DDX24: variants seen among roughly 807,000 people sequenced by gnomAD.
DDX24 encodes ATP-dependent RNA helicase DDX24.
A neutral mutation model predicts 68.9 loss-of-function variants in DDX24; 24 were observed. The observed-to-expected ratio is 0.35, with a 90% CI of 0.25 to 0.49. The LOEUF is 0.49. Ranked by LOEUF, DDX24 falls within the 20% of genes least tolerant of loss-of-function variation. The pLI is 0.99. For missense variants in DDX24, 989 were observed against 1,039.0 expected (o/e 0.95, Z 0.66); for synonymous variants, 395 against 385.2 (o/e 1.03, Z -0.30).
At chr14:94,074,610 C>T (rs1885899066) in intron 2 of DDX24, among the ~76,000 whole-genome samples, 1 of 152,192 alleles carries the variant, frequency 6.6e-6, no homozygotes, top group African/African-American at 2.4e-5. Context: ...CAGCTAAGAT[C>T]AGACTTAATG....
chr14:94,060,252 G>C lies in DDX24; in HGVS notation c.1759C>G (p.Pro587Ala). 3 of 1,614,204 alleles carry C rather than the reference G, an allele frequency of 1.9e-6. No individual in the cohort carries two copies. The highest frequency in any genetic ancestry group is 1.7e-6 in the Non-Finnish European group (2 of 1,180,048). ...TTGGCAAACACTAAGCTGCGGCCTG[G>C]ATACTGCATCAGGAAGTAGTACAAG... The part of the protein sequence containing the change: ...FYLYYFLMQY[P>A]GRSLVFANSI... The change falls in exon 5 of 9, where the codon CCA becomes GCA. Residue 587 changes from proline to alanine, a missense_variant. Pro to Ala is a conservative substitution (Grantham distance 27). This residue lies in a region of DDX24 where 691 missense variants were observed against 760.0 expected (regional missense o/e 0.91). Transcript: ENST00000621632.
At chr14:94,056,027 A>G (rs545046004) in intron 6 of DDX24, 1 of 152,332 alleles carries the variant, frequency 6.6e-6, no homozygotes, top group East Asian at 1.9e-4. Flanking sequence ...TTCTGCCTTA[A>G]ATTATGGCTG....
In DDX24 at chr14:94,062,395, G is replaced by A. The variant is rs368907913; in HGVS notation, c.945C>T (p.Ala315=). 2.1e-5 allele frequency: 34 copies of A among 1,614,012 alleles called. No homozygotes were observed. Among genetic ancestry groups the A allele is most frequent in the Non-Finnish European group, 2.5e-5 (30 of 1,180,042 alleles). ...ESEALPSDIA[A]EARAKTGGTV... The stretch of plus-strand genomic sequence containing the variant: ...TGCCTCCAGTCTTGGCTCTGGCCTC[G>A]GCTGCAATATCACTGGGCAGTGCTT... Residue 315 remains alanine (A), a synonymous_variant, in exon 3 of 9, where the codon GCC becomes GCT. Transcript: ENST00000621632.
chr14:94,079,450 T>G lies in DDX24; in HGVS notation c.293A>C (p.Lys98Thr), dbSNP rs749273234. 1 of 1,614,050 alleles carries G rather than the reference T, an allele frequency of 6.2e-7. No homozygotes were observed. Among genetic ancestry groups the G allele is most frequent in the Non-Finnish European group, 8.5e-7 (1 of 1,180,032 alleles). ...EEGKSSSPKK[K>T]IKLKKSKNVA... ...ATTTTTACTTTTCTTCAACTTGATCTTTTTCTTTGGTGAGCTAGACTTTCC... is the reference window on the plus strand; with the variant it reads ...ATTTTTACTTTTCTTCAACTTGATCGTTTTCTTTGGTGAGCTAGACTTTCC... The change falls in exon 2 of 9, where the codon AAG (lysine) becomes ACG (threonine). Residue 98 changes from lysine (K) to threonine (T), a missense_variant. Physicochemically the swap from Lys to Thr is moderately conservative, Grantham distance 78. Transcript: ENST00000621632.
At chr14:94,076,680 C>CAAA (rs35863241) in intron 2 of DDX24, among the ~76,000 whole-genome samples, 1,263 of 100,124 alleles carry the variant, frequency 0.013, 29 homozygotes, top group African/African-American at 0.042. Context: ...GACTCCGTCT[C>CAAA]AAAAAAAAAA....
Position 94,069,965 on chromosome 14 carries a change from C to A in DDX24, c.719-7344G>T, listed in dbSNP as rs28791925. Among the ~76,000 whole-genome samples, 482 of 152,264 alleles carry A rather than the reference C, an allele frequency of 3.2e-3. 3 individuals are homozygous for A. The highest frequency in any genetic ancestry group is 0.011 in the African/African-American group (449 of 41,542). Reference sequence around the variant, plus strand: ...AACTGGAACAAGACAAGGATGCCCACCTACTCTTACCACTCCTCTTCAACA... The same window carrying A: ...AACTGGAACAAGACAAGGATGCCCAACTACTCTTACCACTCCTCTTCAACA... On this transcript the variant is annotated intron_variant, in intron 2 of 8. Transcript: ENST00000621632.
chr14:94,058,841 G>C (rs1247959819), intron 5 of DDX24, among the ~76,000 whole-genome samples: 2 of 152,188 alleles, frequency 1.3e-5, no homozygotes, highest in Non-Finnish European at 2.9e-5. Context: ...CCAGCTTTGT[G>C]AACCACACAG....
At chr14:94,054,917 C>T (rs11624586) in intron 7 of DDX24, 79 bp downstream of exon 7, 116,149 of 1,484,502 alleles carry the variant, frequency 0.078, 4,900 homozygotes, top group Middle Eastern at 0.16. Context: ...GGTTATGCTG[C>T]CAGAGTCCCA....
At chr14:94,067,866 TA>T (rs1329764159) in intron 2 of DDX24, among the ~76,000 whole-genome samples, 3 of 152,134 alleles carry the variant, frequency 2.0e-5, no homozygotes, top group African/African-American at 7.2e-5. Context: ...CCTGGAGACG[TA>T]TTAAAACAGA....
At position 94,055,046 on chromosome 14, in the gene DDX24, C is replaced by T. The variant is rs1311470963; in HGVS notation, c.2128G>A (p.Glu710Lys). 1 of 1,614,224 alleles carries T rather than the reference C, an allele frequency of 6.2e-7. No individual in the cohort carries two copies. Among genetic ancestry groups the T allele is most frequent in the Non-Finnish European group, 8.5e-7 (1 of 1,180,040 alleles). Residue 710 changes from glutamate to lysine, a missense_variant, in exon 7 of 9, where the codon GAG becomes AAG. Glu to Lys is a moderately conservative substitution (Grantham distance 56). Coordinates refer to ENST00000621632, the MANE Select transcript of DDX24 (RefSeq NM_020414.4). Reference protein sequence around the residue: ...KKIYKTLKKDEDIPLFPVQTK... With the variant: ...KKIYKTLKKDKDIPLFPVQTK... Reference sequence around the variant, plus strand: ...TGCACGGGGAACAGTGGGATATCCTCATCTTTCTTGAGCGTTTTGTAAATC... The same window carrying T: ...TGCACGGGGAACAGTGGGATATCCTTATCTTTCTTGAGCGTTTTGTAAATC...
In DDX24 at chr14:94,060,338, G is replaced by GC; in HGVS notation, c.1672dup (p.Ala558GlyfsTer14). 1 of 1,614,174 alleles carries GC rather than the reference G, an allele frequency of 6.2e-7. No individual in the cohort carries two copies. The highest frequency in any genetic ancestry group is 8.5e-7 in the Non-Finnish European group (1 of 1,180,044). ...GGTCTCTGTTAGCGTCTCCACCGTGGCCTCATTCCTTGTGAGGTCAATGAC... is the reference window on the plus strand; with the variant it reads ...GGTCTCTGTTAGCGTCTCCACCGTGGCCCTCATTCCTTGTGAGGTCAATGAC... On this transcript the variant is annotated frameshift_variant, in exon 5 of 9. Transcript: ENST00000621632. LOFTEE classifies it high-confidence loss of function.
intron 6 of DDX24, 86 bp from the exon 7 acceptor site, chr14:94,055,270 C>T (rs1467679361): frequency 7.2e-7 from 1 of 1,389,774 alleles, no homozygotes; most frequent in Non-Finnish European, 9.8e-7. Context: ...AAACCAGACC[C>T]TCCTACCTCC....
intron 2 of DDX24, among the ~76,000 whole-genome samples, chr14:94,078,268 A>G (rs1205941799): frequency 6.6e-6 from 1 of 152,194 alleles, no homozygotes; most frequent in African/African-American, 2.4e-5. Context: ...GAGGTCCTGG[A>G]ACCAATCCTC....
intron 2 of DDX24, among the ~76,000 whole-genome samples, chr14:94,073,492 A>G (rs1885874714): frequency 6.6e-6 from 1 of 152,190 alleles, no homozygotes; most frequent in Non-Finnish European, 1.5e-5. Context: ...AAGTAATAGT[A>G]TTGAAAAACA....
At chr14:94,065,766 T>G (rs1175642643) in intron 2 of DDX24, among the ~76,000 whole-genome samples, 2 of 152,096 alleles carry the variant, frequency 1.3e-5, no homozygotes, top group African/African-American at 4.8e-5. Context: ...GCAGGAGAAG[T>G]TTCTGACTTT....
intron 7 of DDX24, among the ~76,000 whole-genome samples, 158 bp downstream of exon 7, chr14:94,054,838 T>G (rs1408868525): frequency 6.6e-6 from 1 of 152,220 alleles, no homozygotes; most frequent in Non-Finnish European, 1.5e-5. Context: ...TTCCCAGGTA[T>G]GTTGCTCTCA....
chr14:94,061,159 A>C (rs879036567), intron 3 of DDX24, 93 bp from the exon 4 acceptor site: 2 of 1,427,942 alleles, frequency 1.4e-6, no homozygotes, highest in South Asian at 2.5e-5. Flanking sequence ...GCAGAGACAG[A>C]CATCAGCACA....
chr14:94,075,153 C>T (rs981791033), intron 2 of DDX24, among the ~76,000 whole-genome samples: 1 of 152,088 alleles, frequency 6.6e-6, no homozygotes, highest in Non-Finnish European at 1.5e-5. Flanking sequence ...ACTGATATAA[C>T]GGATTCTAAA....
rs1475340750 is a variant in DDX24, at chr14:94,060,412, G to C, written c.1599C>G (p.Ala533=). 1 of 1,614,152 alleles carries C rather than the reference G, an allele frequency of 6.2e-7. No individual in the cohort carries two copies. Among genetic ancestry groups the C allele is most frequent in the East Asian group, 2.2e-5 (1 of 44,880 alleles). Residue 533 remains alanine (A), a synonymous_variant, in exon 5 of 9, where the codon GCC becomes GCG. Coordinates refer to ENST00000621632, the MANE Select transcript of DDX24 (RefSeq NM_020414.4). ...KKHTKKMDKT[A]KLDLLMQKIG... is the part of the protein sequence containing the mutation. ...TTTTCTGCATAAGGAGGTCAAGTTT[G>C]GCTGTTTTATCCATTTTCTTGGTGT... is the stretch of plus-strand genomic sequence containing the variant.
Sources: gnomAD v4.1 joint callset for allele counts (sites outside exome capture counted in the v4.1 genomes callset) on GRCh38, gnomAD v4.1.1 for gene constraint, gnomAD v4.1.1 regional missense constraint, MANE v1.5 for transcripts, NCBI Gene and HGNC (gene_info 2026-07-23, HGNC 2026-07-21) for gene names.